SMYD3: variants seen among roughly 807,000 people sequenced by gnomAD.
SMYD3 encodes the protein SET and MYND domain containing 3.
Under a neutral mutation model 57.7 loss-of-function variants are expected in SMYD3, and 36 were observed. That is an observed-to-expected ratio of 0.62 (90% confidence interval 0.48 to 0.82). The LOEUF (loss-of-function observed/expected upper bound fraction) is 0.82. Ranked by LOEUF, SMYD3 falls within the 40% of genes least tolerant of loss-of-function variation. SMYD3 has a pLI of 0.00. For synonymous variants in SMYD3, 211 were observed against 195.0 expected (o/e 1.08, Z -0.68); for missense variants, 515 against 538.8 (o/e 0.96, Z 0.44).
At chr1:246,325,011 TC>T (rs2065316929) in intron 5 of SMYD3, among the ~76,000 whole-genome samples, 1 of 60,508 alleles carries the variant, frequency 1.7e-5, no homozygotes, top group Non-Finnish European at 3.2e-5. Flanking sequence ...GGAGAAGGAG[TC>T]GGGGGAGCGG....
intron 5 of SMYD3, among the ~76,000 whole-genome samples, chr1:246,114,864 T>C (rs1454268713): frequency 1.3e-5 from 2 of 151,102 alleles, no homozygotes; most frequent in African/African-American, 4.8e-5. Context: ...TCTCTTGACC[T>C]CGTGATCTGC....
intron 5 of SMYD3, among the ~76,000 whole-genome samples, chr1:245,979,033 G>C (rs571089302): frequency 1.3e-5 from 2 of 152,128 alleles, no homozygotes; most frequent in Non-Finnish European, 2.9e-5. Context: ...TTTATGGAAC[G>C]TGGCTCTCTG....
intron 1 of SMYD3, among the ~76,000 whole-genome samples, chr1:246,455,597 G>A (rs2067690497): frequency 6.6e-6 from 1 of 152,194 alleles, no homozygotes; most frequent in South Asian, 2.1e-4. Context: ...GCCAGATACT[G>A]CCTTGAGGCA....
At chr1:245,947,865 A>G (rs1211646690) in intron 5 of SMYD3, among the ~76,000 whole-genome samples, 1 of 152,208 alleles carries the variant, frequency 6.6e-6, no homozygotes, top group Non-Finnish European at 1.5e-5. Context: ...GTATCACTAC[A>G]TATACCTCTA....
At position 245,848,667 on chromosome 1, in the gene SMYD3, C is replaced by T. The variant is rs147901820; in HGVS notation, c.1076+9829G>A. On this transcript the variant is annotated intron_variant, in intron 10 of 11. Coordinates refer to ENST00000490107, the MANE Select transcript of SMYD3 (RefSeq NM_001167740.2). ...GCTCAAGTTATCTTCCCACCTTAGC[C>T]TCCCAAAGTGCTGGGATTACAGGTG... is the stretch of plus-strand genomic sequence containing the variant. Among the ~76,000 whole-genome samples the T allele has an allele frequency of 3.0e-4, 46 of 152,212 alleles. 1 individual carries two copies. The East Asian group carries it at 8.5e-3, about 28-fold the overall frequency.
intron 5 of SMYD3, among the ~76,000 whole-genome samples, chr1:245,959,939 C>T (rs1000700081): frequency 3.3e-5 from 5 of 151,954 alleles, no homozygotes; most frequent in African/African-American, 7.3e-5. Context: ...CCACCATGCC[C>T]GGCTAACTTT....
chr1:246,256,937 G>A (rs1240678588), intron 5 of SMYD3, among the ~76,000 whole-genome samples: 8 of 152,084 alleles, frequency 5.3e-5, no homozygotes, highest in Admixed American at 2.6e-4. Context: ...AGTCATTCAG[G>A]AGCAAGTTGT....
chr1:245,876,712 G>A (rs545192714), intron 8 of SMYD3, among the ~76,000 whole-genome samples: 2 of 152,324 alleles, frequency 1.3e-5, no homozygotes, highest in African/African-American at 4.8e-5. Flanking sequence ...GCACTCCAGG[G>A]CCAGGTACTG....
chr1:246,235,365 T>C (rs1558337373), intron 5 of SMYD3, among the ~76,000 whole-genome samples: 5 of 152,328 alleles, frequency 3.3e-5, no homozygotes, highest in Non-Finnish European at 7.3e-5. Context: ...GATAATTACG[T>C]CCTTCCTGAA....
At chr1:245,970,462 G>A (rs962349278) in intron 5 of SMYD3, among the ~76,000 whole-genome samples, 2 of 152,124 alleles carry the variant, frequency 1.3e-5, no homozygotes, top group African/African-American at 4.8e-5. Context: ...TTGACAAATG[G>A]GATCTAATTA....
intron 5 of SMYD3, among the ~76,000 whole-genome samples, chr1:245,991,430 T>C (rs1158956723): frequency 6.6e-6 from 1 of 152,244 alleles, no homozygotes; most frequent in Non-Finnish European, 1.5e-5. Flanking sequence ...GCTAAGTGAC[T>C]TCACACAGTT....
At chr1:245,916,590 A>G (rs1303480814) in intron 7 of SMYD3, among the ~76,000 whole-genome samples, 1 of 152,060 alleles carries the variant, frequency 6.6e-6, no homozygotes, top group Non-Finnish European at 1.5e-5. Flanking sequence ...TTGCCATCCA[A>G]TCCACCAGGA....
intron 5 of SMYD3, among the ~76,000 whole-genome samples, chr1:246,227,880 T>A (rs564748396): frequency 6.6e-6 from 1 of 152,248 alleles, no homozygotes; most frequent in African/African-American, 2.4e-5. Flanking sequence ...GTGATAAATA[T>A]TTTCATAAAA....
chr1:246,400,773 A>G (rs2148785156), intron 1 of SMYD3, among the ~76,000 whole-genome samples: 1 of 152,344 alleles, frequency 6.6e-6, no homozygotes, highest in Admixed American at 6.5e-5. Flanking sequence ...AAGAGAAACA[A>G]TATCAGCCAT....
intron 1 of SMYD3, among the ~76,000 whole-genome samples, chr1:246,440,768 GAA>G (rs1467656862): frequency 6.6e-6 from 1 of 152,156 alleles, no homozygotes; most frequent in Non-Finnish European, 1.5e-5. Flanking sequence ...AGCTTTCACA[GAA>G]AGATACAAGT....
At chr1:246,411,399 T>C (rs1241006947) in intron 1 of SMYD3, among the ~76,000 whole-genome samples, 1 of 152,284 alleles carries the variant, frequency 6.6e-6, no homozygotes, top group South Asian at 2.1e-4. Context: ...AGTTCAACCA[T>C]TGTGGAAGTC....
chr1:246,392,196 CGAACAAAT>C (rs2066584341), intron 1 of SMYD3, among the ~76,000 whole-genome samples: 1 of 151,872 alleles, frequency 6.6e-6, no homozygotes, highest in African/African-American at 2.4e-5. Context: ...GAAGGATAAA[CGAACAAAT>C]GAACAATTGA....
At chr1:246,405,237 C>A (rs1404546259) in intron 1 of SMYD3, among the ~76,000 whole-genome samples, 1 of 152,172 alleles carries the variant, frequency 6.6e-6, no homozygotes, top group East Asian at 1.9e-4. Flanking sequence ...CAGGGATGAG[C>A]CACCATGCCT....
chr1:246,386,906 CT>C (rs1419734701), intron 1 of SMYD3, among the ~76,000 whole-genome samples: 1 of 151,262 alleles, frequency 6.6e-6, no homozygotes, highest in African/African-American at 2.4e-5. Flanking sequence ...AAAAAAAAAC[CT>C]TTTTGTGCAC....
Sources: allele counts gnomAD v4.1 joint callset (sites outside exome capture counted in the v4.1 genomes callset), GRCh38; gene constraint gnomAD v4.1.1; transcripts MANE v1.5; gene names NCBI Gene and HGNC (gene_info 2026-07-23, HGNC 2026-07-21).